The following TAOK1 variants were observed in gnomAD, a reference collection of about 807,000 sequenced individuals.
TAOK1 encodes serine/threonine-protein kinase TAO1.
TAOK1 carries 21 observed loss-of-function variants against 138.3 expected under a neutral mutation model. The ratio of observed to expected loss-of-function variants is 0.15; its 90% confidence interval spans 0.11 to 0.22. The LOEUF (loss-of-function observed/expected upper bound fraction) is 0.22. Ranked by LOEUF, TAOK1 falls within the 10% of genes least tolerant of loss-of-function variation. The pLI is 1.00. For missense variants in TAOK1, 651 were observed against 1,227.7 expected (o/e 0.53, Z 7.02); for synonymous variants, 361 against 398.4 (o/e 0.91, Z 1.12).
At chr17:29,527,278 G>T (rs2032027549) in intron 17 of TAOK1, among the ~76,000 whole-genome samples, 1 of 152,048 alleles carries the variant, frequency 6.6e-6, no homozygotes, top group Non-Finnish European at 1.5e-5. Flanking sequence ...GTGACAGTGA[G>T]ACCCTGTCTC....
intron 1 of TAOK1, among the ~76,000 whole-genome samples, chr17:29,426,667 C>T (rs1293892887): frequency 6.6e-6 from 1 of 152,070 alleles, no homozygotes; most frequent in Non-Finnish European, 1.5e-5. Context: ...AAAAGGAGTC[C>T]CTTTTTCAAA....
At chr17:29,395,150 G>C (rs1240509898) in intron 1 of TAOK1, among the ~76,000 whole-genome samples, 1 of 152,090 alleles carries the variant, frequency 6.6e-6, no homozygotes, top group Non-Finnish European at 1.5e-5. Flanking sequence ...AGGCTGAGGT[G>C]GGAGGATTGC....
intron 17 of TAOK1, among the ~76,000 whole-genome samples, chr17:29,525,241 T>G (rs1254464307): frequency 1.3e-5 from 2 of 152,048 alleles, no homozygotes; most frequent in Non-Finnish European, 2.9e-5. Context: ...GCCTCCCAAG[T>G]AGCTGGGATT....
intron 17 of TAOK1, among the ~76,000 whole-genome samples, chr17:29,524,546 T>C (rs569758240): frequency 5.8e-4 from 89 of 152,224 alleles, no homozygotes; most frequent in Non-Finnish European, 1.1e-3. Flanking sequence ...TTAAATAAAA[T>C]GCATTTCTGA....
rs752129068 is a variant in TAOK1, at chr17:29,534,319, A to G, written c.2544+19A>G. The G allele has an allele frequency of 6.7e-7, 1 of 1,496,408 alleles. No homozygotes were observed. The highest frequency in any genetic ancestry group is 8.9e-7 in the Non-Finnish European group (1 of 1,120,698). The allele number at this position is 1,496,408 out of a possible 1,614,324, so 92.7% of individuals were successfully genotyped here. A position where few individuals can be genotyped will look rare whatever the true frequency, so the allele number is the denominator to read the frequency against. On this transcript the variant is annotated intron_variant, in intron 19 of 19. Coordinates refer to ENST00000261716, the MANE Select transcript of TAOK1 (RefSeq NM_020791.4). Reference sequence around the variant, plus strand: ...ACAAAAGGTATAAGTAATAGAAGGAAAAATCATTGTTTTCGAATTAGCTTT... The same window carrying G: ...ACAAAAGGTATAAGTAATAGAAGGAGAAATCATTGTTTTCGAATTAGCTTT...
At chr17:29,511,207 T>C in intron 15 of TAOK1, 2 of 291,920 alleles carry the variant, frequency 6.9e-6, no homozygotes, top group Non-Finnish European at 6.5e-6. Flanking sequence ...CCTGAAAATA[T>C]ACTTTTTTTA....
At chr17:29,459,420 T>G (rs1303061358) in intron 2 of TAOK1, among the ~76,000 whole-genome samples, 1 of 152,038 alleles carries the variant, frequency 6.6e-6, no homozygotes, top group African/African-American at 2.4e-5. Context: ...TAGCTGAGAT[T>G]ACAGGCGCCC....
chr17:29,457,077 TTTTTTC>T (rs1489028829), intron 2 of TAOK1, among the ~76,000 whole-genome samples: 1 of 139,724 alleles, frequency 7.2e-6, no homozygotes, highest in African/African-American at 2.8e-5. Flanking sequence ...TTTCTTCTCT[TTTTTTC>T]TTTTTCTTTT....
intron 1 of TAOK1, among the ~76,000 whole-genome samples, chr17:29,397,616 AT>A (rs1206989423): frequency 2.1e-4 from 4 of 19,490 alleles, no homozygotes; most frequent in Admixed American, 9.6e-4. Context: ...CCAAAAAAAT[AT>A]ATATATATAT....
intron 16 of TAOK1, among the ~76,000 whole-genome samples, chr17:29,520,677 A>G (rs1024826168): frequency 1.3e-5 from 2 of 150,964 alleles, no homozygotes; most frequent in Non-Finnish European, 3.0e-5. Context: ...GGCCTCCCAG[A>G]GTGCTGGGAT....
At chr17:29,540,069 G>A (rs542900992) in intron 19 of TAOK1, among the ~76,000 whole-genome samples, 1 of 152,260 alleles carries the variant, frequency 6.6e-6, no homozygotes, top group Non-Finnish European at 1.5e-5. Context: ...CACAAGGAAT[G>A]TGTAAAGGCA....
At chr17:29,397,780 C>T (rs534899725) in intron 1 of TAOK1, among the ~76,000 whole-genome samples, 1 of 139,548 alleles carries the variant, frequency 7.2e-6, no homozygotes, top group East Asian at 2.1e-4. Context: ...CATGTATATT[C>T]GTGTGTATAT....
intron 17 of TAOK1, among the ~76,000 whole-genome samples, chr17:29,527,512 T>C (rs1164913157): frequency 6.6e-6 from 1 of 152,148 alleles, no homozygotes; most frequent in East Asian, 1.9e-4. Flanking sequence ...AGAGTTTCTC[T>C]TACTAGCTAG....
In TAOK1 at chr17:29,533,004, A is replaced by ACGGGGCGGGTG. The variant is rs766983857; in HGVS notation, c.2362-1114_2362-1113insCGGGGCGGGTG. Among the ~76,000 whole-genome samples the ACGGGGCGGGTG allele has an allele frequency of 7.6e-5, 5 of 65,394 alleles. 1 individual carries two copies. The highest frequency in any genetic ancestry group is 6.7e-4 in the South Asian group (1 of 1,482). The allele number at this position is 65,394 out of a possible 152,430, so 42.9% of individuals were successfully genotyped here. ...GCAGGGGGCTGACCCCCCCACCTCCAACCGGGCGGGGGGCTGACCCCCACC... is the reference window on the plus strand; with the variant it reads ...GCAGGGGGCTGACCCCCCCACCTCCACGGGGCGGGTGACCGGGCGGGGGGCTGACCCCCACC... On this transcript the variant is annotated intron_variant, in intron 18 of 19. Coordinates refer to ENST00000261716, the MANE Select transcript of TAOK1 (RefSeq NM_020791.4).
At chr17:29,516,881 G>A (rs2031826043) in intron 15 of TAOK1, among the ~76,000 whole-genome samples, 1 of 151,876 alleles carries the variant, frequency 6.6e-6, no homozygotes, top group African/African-American at 2.4e-5. Flanking sequence ...AGAGTGCAGT[G>A]GTGTGATCTT....
chr17:29,494,825 C>CAAAAAAAAAAA, intron 10 of TAOK1, among the ~76,000 whole-genome samples: 1 of 48,312 alleles, frequency 2.1e-5, no homozygotes, highest in Non-Finnish European at 4.5e-5. Flanking sequence ...GACTCCGTCT[C>CAAAAAAAAAAA]AAAAAAAAAA....
In TAOK1 at chr17:29,551,640, T is replaced by A. The variant is rs1387863147; in HGVS notation, c.*8618T>A. ...GTGACTGTACAGATGTGCATTTTCC[T>A]TTTGGTATAAATGGTCCACAGCACT... On this transcript the variant is annotated 3_prime_UTR_variant, in exon 20 of 20. Transcript: ENST00000261716. 1 of 152,642 alleles carries A rather than the reference T, an allele frequency of 6.6e-6. No homozygotes were observed. The highest frequency in any genetic ancestry group is 1.5e-5 in the Non-Finnish European group (1 of 68,048). 9.5% of individuals were successfully genotyped at this position (152,642 alleles called of 1,614,324 possible).
At chr17:29,497,577 GA>G (rs963726557) in intron 11 of TAOK1, among the ~76,000 whole-genome samples, 22 of 152,050 alleles carry the variant, frequency 1.4e-4, no homozygotes, top group Middle Eastern at 6.8e-3. Flanking sequence ...GTTTACATCA[GA>G]AAAACATTCT....
intron 10 of TAOK1, 102 bp from the exon 11 acceptor site, chr17:29,495,458 A>G: frequency 1.1e-6 from 1 of 913,420 alleles, no homozygotes; most frequent in East Asian, 2.6e-5. Context: ...GCTATAGATT[A>G]CATGCATTAT....
Sources: gnomAD v4.1 joint callset for allele counts (sites outside exome capture counted in the v4.1 genomes callset) on GRCh38, gnomAD v4.1.1 for gene constraint, MANE v1.5 for transcripts, NCBI Gene and HGNC (gene_info 2026-07-23, HGNC 2026-07-21) for gene names.